The following TRPC7 variants were observed in gnomAD, a reference collection of about 807,000 sequenced individuals.
The protein encoded by TRPC7 is transient receptor potential cation channel subfamily C member 7.
In TRPC7, 42 loss-of-function variants were observed where a neutral mutation model predicts 90.1. That is an observed-to-expected ratio of 0.47 (90% CI 0.36 to 0.60). The LOEUF is 0.60. TRPC7 is among the 20% of genes least tolerant of loss of function. The pLI, the probability that TRPC7 is intolerant of heterozygous loss-of-function variation, is 0.00. For synonymous variants in TRPC7, 451 were observed against 436.3 expected (o/e 1.03, Z -0.42); for missense variants, 955 against 1,112.3 (o/e 0.86, Z 2.01).
At chr5:136,293,372 A>T (rs1561705263) in intron 3 of TRPC7, among the ~76,000 whole-genome samples, 2 of 152,208 alleles carry the variant, frequency 1.3e-5, no homozygotes, top group Admixed American at 6.5e-5. Context: ...AGATGACATG[A>T]TTGTATATCT....
intron 1 of TRPC7, among the ~76,000 whole-genome samples, chr5:136,362,975 C>T (rs1403849783): frequency 2.0e-5 from 3 of 152,088 alleles, no homozygotes; most frequent in Non-Finnish European, 4.4e-5. Flanking sequence ...TACACTGGAG[C>T]TGTTGGTGTT....
At chr5:136,287,303 T>C (rs556889114) in intron 3 of TRPC7, among the ~76,000 whole-genome samples, 1 of 152,106 alleles carries the variant, frequency 6.6e-6, no homozygotes, top group African/African-American at 2.4e-5. Flanking sequence ...TTTTTAGGAA[T>C]GGTTCTGAAT....
chr5:136,269,719 C>T (rs1458184841), intron 4 of TRPC7, among the ~76,000 whole-genome samples: 2 of 152,142 alleles, frequency 1.3e-5, no homozygotes, highest in Non-Finnish European at 2.9e-5. Context: ...TTGGGTGATT[C>T]TCAAATGTTA....
intron 7 of TRPC7, among the ~76,000 whole-genome samples, chr5:136,244,402 C>T (rs1756270325): frequency 6.6e-6 from 1 of 152,172 alleles, no homozygotes; most frequent in African/African-American, 2.4e-5. Flanking sequence ...GTGATACAGG[C>T]TCTCCGTAGA....
At chr5:136,362,026 G>T (rs1580999160) in intron 1 of TRPC7, among the ~76,000 whole-genome samples, 1 of 152,010 alleles carries the variant, frequency 6.6e-6, no homozygotes, top group African/African-American at 2.4e-5. Flanking sequence ...ACCTATCAAT[G>T]CACTTAGGTA....
At chr5:136,259,558 C>T (rs1045361556) in intron 5 of TRPC7, among the ~76,000 whole-genome samples, 5 of 152,190 alleles carry the variant, frequency 3.3e-5, no homozygotes, top group Non-Finnish European at 7.3e-5. Context: ...AGCTTCTGAC[C>T]GCTTTCTGGG....
At chr5:136,316,010 C>G in intron 2 of TRPC7, 1 of 530,460 alleles carries the variant, frequency 1.9e-6, no homozygotes, top group Non-Finnish European at 3.3e-6. Context: ...AGGTGTGGTC[C>G]ATGGGCCACC....
intron 2 of TRPC7, among the ~76,000 whole-genome samples, chr5:136,330,306 G>A (rs1759462506): frequency 6.6e-6 from 1 of 152,156 alleles, no homozygotes; most frequent in Non-Finnish European, 1.5e-5. Flanking sequence ...CCAGGCTCTG[G>A]GCTAAGTGCT....
intron 1 of TRPC7, among the ~76,000 whole-genome samples, chr5:136,359,564 T>C (rs1242452432): frequency 1.3e-5 from 2 of 152,192 alleles, no homozygotes; most frequent in African/African-American, 4.8e-5. Flanking sequence ...GTCTGCTCAA[T>C]GGTACCAAAG....
intron 3 of TRPC7, among the ~76,000 whole-genome samples, chr5:136,313,546 G>A (rs1758911637): frequency 1.3e-5 from 2 of 152,160 alleles, no homozygotes; most frequent in Admixed American, 6.5e-5. Context: ...AAAAATGGAA[G>A]CCCATTGTAA....
At chr5:136,243,540 C>T (rs1056056963) in intron 7 of TRPC7, among the ~76,000 whole-genome samples, 1 of 151,964 alleles carries the variant, frequency 6.6e-6, no homozygotes, top group Non-Finnish European at 1.5e-5. Flanking sequence ...GGCAGGGCAG[C>T]CTGGGGATGG....
At chr5:136,261,776 C>T (rs926905370) in intron 5 of TRPC7, among the ~76,000 whole-genome samples, 1 of 152,202 alleles carries the variant, frequency 6.6e-6, no homozygotes, top group Admixed American at 6.5e-5. Flanking sequence ...AATTTAAATG[C>T]ATTGATATGT....
At chr5:136,301,887 G>A (rs758920117) in intron 3 of TRPC7, among the ~76,000 whole-genome samples, 13 of 152,274 alleles carry the variant, frequency 8.5e-5, no homozygotes, top group East Asian at 5.8e-4. Context: ...TCAATCCCCC[G>A]TCTTCCTGCT....
At chr5:136,319,314 C>T (rs1759119072) in intron 2 of TRPC7, among the ~76,000 whole-genome samples, 1 of 152,150 alleles carries the variant, frequency 6.6e-6, no homozygotes, top group Non-Finnish European at 1.5e-5. Flanking sequence ...TGCCCCTGCT[C>T]CTCTCCAAGA....
At chr5:136,325,804 G>T (rs2149843872) in intron 2 of TRPC7, among the ~76,000 whole-genome samples, 2 of 152,198 alleles carry the variant, frequency 1.3e-5, no homozygotes, top group East Asian at 3.9e-4. Context: ...TGGATCAAAA[G>T]GAAAACACCT....
chr5:136,331,989 G>GA (rs1026077469), intron 2 of TRPC7, among the ~76,000 whole-genome samples: 2 of 152,118 alleles, frequency 1.3e-5, no homozygotes, highest in Non-Finnish European at 2.9e-5. Flanking sequence ...GTGGCTGGGG[G>GA]AAACTTGCAG....
chr5:136,296,904 T>TG (rs1344734386), intron 3 of TRPC7, among the ~76,000 whole-genome samples: 2 of 152,204 alleles, frequency 1.3e-5, no homozygotes, highest in African/African-American at 4.8e-5. Context: ...CATGCTGGCC[T>TG]GGCCTCCCCA....
At chr5:136,298,678 G>A (rs1758267273) in intron 3 of TRPC7, among the ~76,000 whole-genome samples, 1 of 152,028 alleles carries the variant, frequency 6.6e-6, no homozygotes, top group African/African-American at 2.4e-5. Flanking sequence ...GCCTTAACAT[G>A]GGACAACTCT....
chr5:136,284,374 C>T (rs1580899030), intron 3 of TRPC7, among the ~76,000 whole-genome samples: 1 of 152,116 alleles, frequency 6.6e-6, no homozygotes, highest in African/African-American at 2.4e-5. Context: ...TTTGGTCATA[C>T]TTTGAATGTT....
Sources: allele counts gnomAD v4.1 joint callset (sites outside exome capture counted in the v4.1 genomes callset), GRCh38; gene constraint gnomAD v4.1.1; transcripts MANE v1.5; gene names NCBI Gene and HGNC (gene_info 2026-07-23, HGNC 2026-07-21).